FAM221A: variants seen among roughly 807,000 people sequenced by gnomAD.
FAM221A encodes the protein family with sequence similarity 221 member A.
In FAM221A, 43 loss-of-function variants were observed where a neutral mutation model predicts 37.6. That is an observed-to-expected ratio of 1.15 (90% CI 0.90 to 1.48). The LOEUF is 1.48. FAM221A is among the 40% of genes most tolerant of loss of function. FAM221A has a pLI of 0.00. For synonymous variants in FAM221A, 135 were observed against 132.9 expected (o/e 1.02, Z -0.11); for missense variants, 361 against 361.5 (o/e 1.00, Z 0.01).
At chr7:23,690,194 TATA>T (rs1336974723) in intron 3 of FAM221A, among the ~76,000 whole-genome samples, 627 of 54,336 alleles carry the variant, frequency 0.012, 3 homozygotes, top group South Asian at 0.027. Flanking sequence ...TATATATATA[TATA>T]TATTTTTTTT....
Position 23,691,598 on chromosome 7 carries a change from T to C in FAM221A, c.637+2T>C. The C allele has an allele frequency of 6.2e-7, 1 of 1,612,698 alleles. No individual in the cohort carries two copies. The highest frequency in any genetic ancestry group is 8.5e-7 in the Non-Finnish European group (1 of 1,178,686). ...TGCGGTTAGATGACAGTGGGATTGGTAAGTGATACTATATGAAATGTGAGC... is the reference window on the plus strand; with the variant it reads ...TGCGGTTAGATGACAGTGGGATTGGCAAGTGATACTATATGAAATGTGAGC... On this transcript the variant is annotated splice_donor_variant, in intron 4 of 6. Coordinates refer to ENST00000344962, the MANE Select transcript of FAM221A (RefSeq NM_199136.5). LOFTEE classifies it high-confidence loss of function.
intron 1 of FAM221A, among the ~76,000 whole-genome samples, 174 bp from the exon 2 acceptor site, chr7:23,684,325 C>T (rs887149441): frequency 8.7e-6 from 1 of 115,486 alleles, no homozygotes; most frequent in South Asian, 2.3e-4. Flanking sequence ...AACTTAACCA[C>T]TCAGTCAGTG....
chr7:23,699,608 T>C (rs1330524457), intron 5 of FAM221A, among the ~76,000 whole-genome samples: 1 of 147,462 alleles, frequency 6.8e-6, no homozygotes, highest in Non-Finnish European at 1.5e-5. Flanking sequence ...AGTGGTGTGA[T>C]CTTGGCTTAC....
intron 3 of FAM221A, among the ~76,000 whole-genome samples, chr7:23,690,170 C>CATATATATATATAT (rs1175330292): frequency 3.9e-4 from 27 of 68,588 alleles, no homozygotes; most frequent in Non-Finnish European, 5.0e-4. Context: ...TGCCTTGGTT[C>CATATATATATATAT]ATATATATAT....
intron 4 of FAM221A, among the ~76,000 whole-genome samples, chr7:23,697,547 GTAAAAA>G (rs1562528157): frequency 1.5e-4 from 23 of 152,238 alleles, no homozygotes; most frequent in African/African-American, 5.1e-4. Context: ...AAGGAATAGA[GTAAAAA>G]TACACTTATT....
intron 1 of FAM221A, among the ~76,000 whole-genome samples, chr7:23,682,370 CAT>C (rs1491137152): frequency 6.4e-5 from 6 of 93,930 alleles, no homozygotes; most frequent in East Asian, 3.4e-4. Context: ...CTGGCTTTAT[CAT>C]GTGTGTGTGT....
chr7:23,692,182 G>C (rs1211600005), intron 4 of FAM221A: 2 of 972,562 alleles, frequency 2.1e-6, no homozygotes, highest in Non-Finnish European at 2.4e-6. Flanking sequence ...AACTATTAAA[G>C]GTAGATGGAT....
At chr7:23,699,643 A>G (rs1455561741) in intron 5 of FAM221A, among the ~76,000 whole-genome samples, 1 of 144,596 alleles carries the variant, frequency 6.9e-6, no homozygotes, top group Non-Finnish European at 1.5e-5. Context: ...ACCTGGCTCA[A>G]GTGATCTCCC....
rs1239708665 is a variant in FAM221A, at chr7:23,680,285, T to A, written c.65+2T>A. ...GGACGAGTACCTGGAGTACCGGAGG[T>A]GAGGCTGTGGCTCCGGGCCTGCCCC... is the stretch of plus-strand genomic sequence containing the variant. On this transcript the variant is annotated splice_donor_variant, in intron 1 of 6. Transcript: ENST00000344962. LOFTEE classifies it high-confidence loss of function. The A allele has an allele frequency of 2.6e-6, 4 of 1,543,882 alleles. No individual in the cohort carries two copies.
At position 23,689,438 on chromosome 7, in the gene FAM221A, C is replaced by A; in HGVS notation, c.409C>A (p.Pro137Thr). Residue 137 changes from proline (P) to threonine (T), a missense_variant, in exon 3 of 7, where the codon CCT becomes ACT. Pro to Thr is a conservative substitution (Grantham distance 38). Transcript: ENST00000344962. Reference protein sequence around the residue: ...KHFADQHSAAPGFTCNTCSKC... With the variant: ...KHFADQHSAATGFTCNTCSKC... ...CTTTGCTGATCAGCACAGTGCTGCGCCTGGCTTTACATGCAATACATGTGA... is the reference window on the plus strand; with the variant it reads ...CTTTGCTGATCAGCACAGTGCTGCGACTGGCTTTACATGCAATACATGTGA... The A allele has an allele frequency of 6.4e-7, 1 of 1,570,726 alleles. No individual in the cohort carries two copies. The highest frequency in any genetic ancestry group is 8.7e-7 in the Non-Finnish European group (1 of 1,146,900).
At chr7:23,692,314 A>T (rs1784799303) in intron 4 of FAM221A, 1 of 537,922 alleles carries the variant, frequency 1.9e-6, no homozygotes, top group African/African-American at 2.0e-5. Context: ...TAAAAATTAC[A>T]TAAATACAAG....
At chr7:23,698,058 T>A in intron 4 of FAM221A, 134 bp from the exon 5 acceptor site, 1 of 595,122 alleles carries the variant, frequency 1.7e-6, no homozygotes, top group Middle Eastern at 4.2e-4. Flanking sequence ...TTACACCCAG[T>A]CTAAAATTTT....
At chr7:23,698,105 G>T (rs1049433415) in intron 4 of FAM221A, 87 bp from the exon 5 acceptor site, 2 of 782,294 alleles carry the variant, frequency 2.6e-6, no homozygotes, top group Admixed American at 2.6e-5. Flanking sequence ...TTCTGCTGAG[G>T]TTCCAATTTA....
In FAM221A at chr7:23,700,873, G is replaced by C. The variant is rs759470501; in HGVS notation, c.828+5G>C. 1 of 1,596,638 alleles carries C rather than the reference G, an allele frequency of 6.3e-7. No homozygotes were observed. The highest frequency in any genetic ancestry group is 1.1e-5 in the South Asian group (1 of 88,676). On this transcript the variant is annotated splice_donor_5th_base_variant and intron_variant, in intron 6 of 6. Coordinates refer to ENST00000344962, the MANE Select transcript of FAM221A (RefSeq NM_199136.5). ...GAAAGACGATACCAGGAAAGGGTAG[G>C]TTTTTGAGGAAATTCAGTTGCACTA... is the stretch of plus-strand genomic sequence containing the variant.
intron 4 of FAM221A, 122 bp from the exon 5 acceptor site, chr7:23,698,070 T>C (rs1327684935): frequency 1.6e-6 from 1 of 628,462 alleles, no homozygotes; most frequent in African/African-American, 1.9e-5. Context: ...TAAAATTTTT[T>C]TTTTATAGAA....
At position 23,684,539 on chromosome 7, in the gene FAM221A, G is replaced by C. The variant is rs773238763; in HGVS notation, c.106G>C (p.Glu36Gln). ...EDDGGKLFTPEEYEEYKRKVL... is the reference protein window; with the variant it reads ...EDDGGKLFTPQEYEEYKRKVL... ...TGATGGAGGGAAACTTTTTACTCCT[G>C]AAGAATATGAAGAATACAAAAGAAA... is the stretch of plus-strand genomic sequence containing the variant. Residue 36 changes from glutamate to glutamine, a missense_variant, in exon 2 of 7, where the codon GAA (glutamate) becomes CAA (glutamine). Glu to Gln is a conservative substitution (Grantham distance 29, BLOSUM62 2). Coordinates refer to ENST00000344962, the MANE Select transcript of FAM221A (RefSeq NM_199136.5). The C allele has an allele frequency of 6.2e-7, 1 of 1,612,684 alleles. No individual in the cohort carries two copies. Among genetic ancestry groups the C allele is most frequent in the Non-Finnish European group, 8.5e-7 (1 of 1,179,612 alleles).
rs746953992 is a variant in FAM221A, at chr7:23,691,344, A to G, written c.431-46A>G. On this transcript the variant is annotated intron_variant, in intron 3 of 6. Transcript: ENST00000344962. ...CAGGCTAAGTGTCTTTAGGGTAGAC[A>G]ACATAGTACCTTTAAGAATTTAACT... is the stretch of plus-strand genomic sequence containing the variant. 6 of 1,589,396 alleles carry G rather than the reference A, an allele frequency of 3.8e-6. No homozygotes were observed. In the Admixed American group the frequency reaches 1.0e-4, roughly 27 times the overall value.
chr7:23,680,549 T>C (rs1429224580), intron 1 of FAM221A, among the ~76,000 whole-genome samples: 1 of 152,164 alleles, frequency 6.6e-6, no homozygotes, highest in Non-Finnish European at 1.5e-5. Flanking sequence ...TAACTCTAGA[T>C]TGATACAGAG....
chr7:23,685,638 AT>A (rs1784327142), intron 2 of FAM221A, among the ~76,000 whole-genome samples: 1 of 152,224 alleles, frequency 6.6e-6, no homozygotes, highest in African/African-American at 2.4e-5. Context: ...TACCTTAAGG[AT>A]CTGCTGTGTC....
Sources: gnomAD v4.1 joint callset for allele counts (sites outside exome capture counted in the v4.1 genomes callset) on GRCh38, gnomAD v4.1.1 for gene constraint, MANE v1.5 for transcripts, NCBI Gene and HGNC (gene_info 2026-07-23, HGNC 2026-07-21) for gene names.